Variants in RANGAP1 observed in about 807,000 individuals in gnomAD.
The protein encoded by RANGAP1 is Ran GTPase activating protein 1, also known as ran GTPase-activating protein 1.
A neutral mutation model predicts 63.5 loss-of-function variants in RANGAP1; 38 were observed. That is an observed-to-expected ratio of 0.60 (90% confidence interval 0.46 to 0.78). RANGAP1 has a LOEUF of 0.78. RANGAP1 is among the 30% of genes least tolerant of loss of function. RANGAP1 has a pLI of 0.00. For synonymous variants in RANGAP1, 329 were observed against 310.5 expected (o/e 1.06, Z -0.63); for missense variants, 630 against 740.3 (o/e 0.85, Z 1.73).
At chr22:41,264,635 C>A in intron 5 of RANGAP1, 29 bp downstream of exon 5, 2 of 1,598,984 alleles carry the variant, frequency 1.3e-6, no homozygotes, top group Non-Finnish European at 8.5e-7. Flanking sequence ...GACCAGGGGA[C>A]TCTGCGGGGA....
chr22:41,262,709 G>A (rs1199825016), intron 5 of RANGAP1, among the ~76,000 whole-genome samples: 2 of 152,172 alleles, frequency 1.3e-5, no homozygotes, highest in African/African-American at 4.8e-5. Context: ...TTCTGCCAAA[G>A]ACCAGCCTCT....
In RANGAP1 at chr22:41,254,471, T is replaced by G; in HGVS notation, c.1097A>C (p.Glu366Ala). The stretch of plus-strand genomic sequence containing the variant: ...CTCTTCTTCCTCTTCTCCTTCCTCC[T>G]CCTCCTCCTCGTCCTCGTCATCACT... ...SLSDDEDEEE[E>A]EEGEEEEEEA... is the part of the protein sequence containing the mutation. The change falls in exon 11 of 16, where the codon GAG becomes GCG. Residue 366 changes from glutamate to alanine, a missense_variant. By Grantham distance (107) the Glu-to-Ala change is moderately radical (BLOSUM62 -1). Around this residue, in one of 3 missense-constraint regions of RANGAP1, gnomAD observed 428 missense variants for 465.5 expected, o/e 0.92. Coordinates refer to ENST00000356244, the MANE Select transcript of RANGAP1 (RefSeq NM_002883.4). 1 of 1,601,956 alleles carries G rather than the reference T, an allele frequency of 6.2e-7. No individual in the cohort carries two copies. The highest frequency in any genetic ancestry group is 8.5e-7 in the Non-Finnish European group (1 of 1,176,762).
At chr22:41,273,003 G>T (rs1466096502) in intron 3 of RANGAP1, among the ~76,000 whole-genome samples, 1 of 152,054 alleles carries the variant, frequency 6.6e-6, no homozygotes, top group Non-Finnish European at 1.5e-5. Flanking sequence ...TGTAGAGACG[G>T]GGTTTCACCA....
At chr22:41,287,878 C>T (rs987539433), upstream of RANGAP1, among the ~76,000 whole-genome samples, 15 of 151,712 alleles carry the variant, frequency 9.9e-5, no homozygotes, top group Admixed American at 8.5e-4. Flanking sequence ...CCCAGCTACT[C>T]GGGAGGCTGA....
At chr22:41,266,004 C>T (rs1173317761) in intron 4 of RANGAP1, among the ~76,000 whole-genome samples, 4 of 152,032 alleles carry the variant, frequency 2.6e-5, no homozygotes, top group East Asian at 1.9e-4. Flanking sequence ...AGATCGAGAC[C>T]ATCCTGGCTA....
At position 41,281,103 on chromosome 22, in the gene RANGAP1, G is replaced by A. The variant is rs1569212394; in HGVS notation, c.-38-21C>T. 2.0e-6 allele frequency: 3 copies of A among 1,520,430 alleles called. No homozygotes were observed. In the South Asian group the frequency reaches 4.0e-5, roughly 20 times the overall value. 94.2% of individuals were successfully genotyped at this position (1,520,430 alleles called of 1,614,324 possible). A position where few individuals can be genotyped will look rare whatever the true frequency, so the allele number is the denominator to read the frequency against. ...GCAGACTGAGGAGGCCAAAGTTGCA[G>A]TAAGAAAAAGGAGTCTCCTGGGGCC... On this transcript the variant is annotated intron_variant, in intron 1 of 15. Transcript: ENST00000356244.
chr22:41,271,311 C>T (rs1332196419), intron 3 of RANGAP1, among the ~76,000 whole-genome samples: 1 of 148,538 alleles, frequency 6.7e-6, no homozygotes, highest in South Asian at 2.1e-4. Flanking sequence ...TCACTTGAGC[C>T]TGGGAGTGCA....
At chr22:41,269,617 C>G (rs987668946) in intron 3 of RANGAP1, among the ~76,000 whole-genome samples, 4 of 151,772 alleles carry the variant, frequency 2.6e-5, no homozygotes, top group African/African-American at 9.7e-5. Context: ...CGCCTGTAGT[C>G]CCAGCCACTC....
At chr22:41,292,374 T>TC in the RANGAP1 span, among the ~76,000 whole-genome samples, 2 of 151,110 alleles carry the variant, frequency 1.3e-5, no homozygotes. Context: ...GATCTCAAAC[T>TC]CCCAACCTCA....
At position 41,264,827 on chromosome 22, in the gene RANGAP1, C is replaced by G; in HGVS notation, c.317G>C (p.Gly106Ala). ...IPPALISLGE[G>A]LITAGAQLVE... ...CAGCTGAGCCCCAGCTGTGATGAGT[C>G]CTTCCCCTAGTGAGATCTGGGCACA... is the stretch of plus-strand genomic sequence containing the variant. Residue 106 changes from glycine (G) to alanine (A), a missense_variant, in exon 5 of 16, where the codon GGA (glycine) becomes GCA (alanine). Gly to Ala is a moderately conservative substitution (Grantham distance 60). Around this residue, in one of 3 missense-constraint regions of RANGAP1, gnomAD observed 137 missense variants for 214.3 expected, o/e 0.64. Coordinates refer to ENST00000356244, the MANE Select transcript of RANGAP1 (RefSeq NM_002883.4). 6.2e-7 allele frequency: 1 copy of G among 1,610,282 alleles called. No homozygotes were observed. Among genetic ancestry groups the G allele is most frequent in the Admixed American group, 1.7e-5 (1 of 59,916 alleles).
At chr22:41,249,503 G>A (rs201165722) in intron 14 of RANGAP1, 52 bp from the exon 15 acceptor site, 203 of 1,121,520 alleles carry the variant, frequency 1.8e-4, no homozygotes, top group East Asian at 9.7e-5. Context: ...ACCTGGGGGG[G>A]CCCCTGGACT....
intron 1 of RANGAP1, among the ~76,000 whole-genome samples, chr22:41,283,126 A>G (rs887739797): frequency 6.6e-6 from 1 of 151,546 alleles, no homozygotes; most frequent in African/African-American, 2.4e-5. Flanking sequence ...GTTCCAGGTC[A>G]GCAGTATAGC....
chr22:41,246,752 A>C, intron 15 of RANGAP1, 80 bp from the exon 16 acceptor site: 2 of 1,331,064 alleles, frequency 1.5e-6, no homozygotes, highest in South Asian at 1.3e-5. Context: ...TTGGTGCCAG[A>C]CTCATTTTTG....
chr22:41,267,941 CA>C (rs1873219853), intron 4 of RANGAP1, among the ~76,000 whole-genome samples, 155 bp downstream of exon 4: 1 of 152,196 alleles, frequency 6.6e-6, no homozygotes, highest in Non-Finnish European at 1.5e-5. Flanking sequence ...TGTCAGGACA[CA>C]GGGCACGTGC....
intron 4 of RANGAP1, among the ~76,000 whole-genome samples, chr22:41,266,661 G>A (rs1291052513): frequency 6.6e-6 from 1 of 152,204 alleles, no homozygotes; most frequent in African/African-American, 2.4e-5. Flanking sequence ...AGCATCCTGA[G>A]TAGCTGGGAT....
intron 12 of RANGAP1, 96 bp from the exon 13 acceptor site, chr22:41,251,205 C>G: frequency 1.1e-6 from 1 of 932,862 alleles, no homozygotes; most frequent in Non-Finnish European, 1.7e-6. Context: ...AGTACAAAGG[C>G]CCCTGGCGGG....
chr22:41,256,318 AG>A (rs764864753), intron 8 of RANGAP1, 28 bp from the exon 9 acceptor site: 1 of 1,607,406 alleles, frequency 6.2e-7, no homozygotes, highest in South Asian at 1.1e-5. Flanking sequence ...GGTTGGAGGC[AG>A]GCAGAAACCC....
intron 3 of RANGAP1, among the ~76,000 whole-genome samples, chr22:41,273,256 G>C (rs958358531): frequency 6.6e-6 from 1 of 152,106 alleles, no homozygotes; most frequent in Non-Finnish European, 1.5e-5. Context: ...ATGCCATTCT[G>C]GAACTCTGGT....
At chr22:41,255,995 C>A (rs747112805) in intron 10 of RANGAP1, 26 bp downstream of exon 10, 4 of 1,606,916 alleles carry the variant, frequency 2.5e-6, no homozygotes, top group Non-Finnish European at 3.4e-6. Flanking sequence ...TGACCCCGAC[C>A]TCTGGGGCCA....
Sources: gnomAD v4.1 joint callset for allele counts (sites outside exome capture counted in the v4.1 genomes callset) on GRCh38, gnomAD v4.1.1 for gene constraint, gnomAD v4.1.1 regional missense constraint, MANE v1.5 for transcripts, NCBI Gene and HGNC (gene_info 2026-07-23, HGNC 2026-07-21) for gene names.